Variants in PRELID2 observed in about 807,000 individuals in gnomAD.
PRELID2 encodes PRELI domain-containing protein 2.
A neutral mutation model predicts 28.4 loss-of-function variants in PRELID2; 25 were observed. That is an observed-to-expected ratio of 0.88 (90% CI 0.64 to 1.23). PRELID2 has a LOEUF of 1.23. Among genes scored for constraint, PRELID2 ranks in the 50% most tolerant of loss-of-function variants. The probability of loss-of-function intolerance (pLI) is 0.00; values close to 1 mark genes in which losing one functional copy is unlikely to be tolerated. For synonymous variants in PRELID2, 76 were observed against 71.6 expected, an observed-to-expected ratio of 1.06 and a Z score of -0.31; for missense variants, 201 against 214.4, an observed-to-expected ratio of 0.94 and a Z score of 0.39.
At chr5:145,495,495 C>A (rs537260747) in intron 1 of PRELID2, among the ~76,000 whole-genome samples, 1 of 152,280 alleles carries the variant, frequency 6.6e-6, no homozygotes, top group South Asian at 2.1e-4. Flanking sequence ...AAGTGCTAAA[C>A]CCCTTTTCTT....
chr5:145,257,056 T>C, the PRELID2 span, among the ~76,000 whole-genome samples: 2 of 151,944 alleles, frequency 1.3e-5, no homozygotes, highest in Non-Finnish European at 2.9e-5. Flanking sequence ...AAAAAAATTC[T>C]ATAAAGCATG....
Position 145,476,460 on chromosome 5 carries a change from C to A in PRELID2, n.71-3145G>T, listed in dbSNP as rs974904133. Among the ~76,000 whole-genome samples the A allele has an allele frequency of 2.6e-5, 4 of 152,132 alleles. No homozygotes were observed. In the East Asian group the frequency reaches 7.7e-4, roughly 29 times the overall value. The stretch of plus-strand genomic sequence containing the variant: ...AGGAGTTCAAGACCAGCCTGGCCAA[C>A]AGGGTGAAACTCTATCTCTACTAAA... On this transcript the variant is annotated intron_variant and non_coding_transcript_variant, in intron 1 of 2. Coordinates refer to the PRELID2 transcript ENST00000510259.
At chr5:145,268,687 G>A in the PRELID2 span, among the ~76,000 whole-genome samples, 1 of 152,006 alleles carries the variant, frequency 6.6e-6, no homozygotes, top group African/African-American at 2.4e-5. Context: ...TATATAAGAG[G>A]TCCTAACCAG....
At chr5:145,430,322 C>T in the PRELID2 span, among the ~76,000 whole-genome samples, 1 of 152,148 alleles carries the variant, frequency 6.6e-6, no homozygotes, top group Non-Finnish European at 1.5e-5. Flanking sequence ...GCTGCTGTAA[C>T]AAATTTCTTT....
intron 1 of PRELID2, among the ~76,000 whole-genome samples, chr5:145,630,525 A>G (rs913568361): frequency 2.0e-5 from 3 of 152,162 alleles, no homozygotes; most frequent in Non-Finnish European, 4.4e-5. Context: ...AAACTGTATC[A>G]GCAACATCCC....
chr5:145,518,727 C>T (rs1039035207), intron 1 of PRELID2, among the ~76,000 whole-genome samples: 7 of 152,270 alleles, frequency 4.6e-5, no homozygotes, highest in African/African-American at 1.2e-4. Context: ...ATTTTTTCCA[C>T]GAGGAGATAC....
intron 1 of PRELID2, among the ~76,000 whole-genome samples, chr5:145,686,519 C>T (rs1298669225): frequency 1.3e-5 from 2 of 152,232 alleles, no homozygotes; most frequent in East Asian, 3.9e-4. Context: ...ACTTTTGGAA[C>T]AGCAGAAGAA....
At chr5:145,562,627 T>C (rs1212790171) in intron 1 of PRELID2, among the ~76,000 whole-genome samples, 8 of 152,212 alleles carry the variant, frequency 5.3e-5, no homozygotes, top group Non-Finnish European at 5.9e-5. Context: ...TGTTAAAAGA[T>C]TGTCTTCATG....
At chr5:145,412,704 C>T in the PRELID2 span, among the ~76,000 whole-genome samples, 3 of 152,168 alleles carry the variant, frequency 2.0e-5, no homozygotes, top group South Asian at 6.2e-4. Context: ...GCTCCCCACT[C>T]CTGGTACCAA....
rs142348108 is a variant in PRELID2, at chr5:145,650,998, G to A, written n.70+113933C>T. Among the ~76,000 whole-genome samples the A allele has an allele frequency of 1.3e-3, 198 of 152,252 alleles. 2 individuals are homozygous for A. Among genetic ancestry groups the A allele is most frequent in the African/African-American group, 4.6e-3 (192 of 41,548 alleles). On this transcript the variant is annotated intron_variant and non_coding_transcript_variant, in intron 1 of 2. Coordinates refer to the PRELID2 transcript ENST00000510259. ...GGAAGCACAAAGGGTCAGGGAATTC[G>A]CTTTCCTAGCCAAGGGAAGCTGTGA... is the stretch of plus-strand genomic sequence containing the variant.
At chr5:145,600,100 G>T (rs1203703337) in intron 1 of PRELID2, among the ~76,000 whole-genome samples, 1 of 144,338 alleles carries the variant, frequency 6.9e-6, no homozygotes, top group Non-Finnish European at 1.5e-5. Context: ...GATCTAAATA[G>T]CCAGAAGAAA....
chr5:145,685,575 T>G (rs1028668221), intron 1 of PRELID2, among the ~76,000 whole-genome samples: 3 of 152,174 alleles, frequency 2.0e-5, no homozygotes, highest in Non-Finnish European at 4.4e-5. Context: ...CAAAAGCAAG[T>G]ATAATGCTTC....
the PRELID2 span, among the ~76,000 whole-genome samples, chr5:145,268,012 G>C: frequency 2.0e-5 from 3 of 151,774 alleles, no homozygotes; most frequent in Non-Finnish European, 4.4e-5. Flanking sequence ...TATTTTTATA[G>C]ATAATTCTTA....
the PRELID2 span, among the ~76,000 whole-genome samples, chr5:145,294,653 A>G: frequency 6.6e-6 from 1 of 152,288 alleles, no homozygotes; most frequent in Admixed American, 6.6e-5. Flanking sequence ...ATATATTAAA[A>G]TTATTTTGTG....
At chr5:145,418,537 T>A in the PRELID2 span, among the ~76,000 whole-genome samples, 5 of 151,510 alleles carry the variant, frequency 3.3e-5, no homozygotes, top group African/African-American at 4.8e-5. Flanking sequence ...AACAGTGGTA[T>A]AAGAACAGAT....
the PRELID2 span, among the ~76,000 whole-genome samples, chr5:145,429,349 G>A: frequency 1.6e-3 from 248 of 152,260 alleles, no homozygotes; most frequent in African/African-American, 5.5e-3. Flanking sequence ...AGATGACTTC[G>A]AGGTTTGTGG....
At chr5:145,658,498 C>G (rs770833854) in intron 1 of PRELID2, among the ~76,000 whole-genome samples, 6 of 152,182 alleles carry the variant, frequency 3.9e-5, no homozygotes, top group Non-Finnish European at 5.9e-5. Flanking sequence ...GCAGATCTCT[C>G]ATGAATGACT....
At chr5:145,324,631 G>A in the PRELID2 span, among the ~76,000 whole-genome samples, 2 of 152,128 alleles carry the variant, frequency 1.3e-5, no homozygotes, top group Admixed American at 1.3e-4. Context: ...AACATGAAGT[G>A]TTTTTATAAT....
chr5:145,803,735 T>TG (rs1554097216), intron 4 of PRELID2, among the ~76,000 whole-genome samples: 2 of 134,762 alleles, frequency 1.5e-5, no homozygotes, highest in Admixed American at 7.4e-5. Context: ...CAATTTAAAG[T>TG]AAAAAAAAAA....
Sources: gnomAD v4.1 joint callset for allele counts (sites outside exome capture counted in the v4.1 genomes callset) on GRCh38, gnomAD v4.1.1 for gene constraint, MANE v1.5 for transcripts, NCBI Gene and HGNC (gene_info 2026-07-23, HGNC 2026-07-21) for gene names.